PEDS1: variants seen among roughly 807,000 people sequenced by gnomAD.
PEDS1 encodes the protein plasmanylethanolamine desaturase 1.
A neutral mutation model predicts 35.2 loss-of-function variants in PEDS1; 14 were observed. That is an observed-to-expected ratio of 0.40 (90% CI 0.26 to 0.62). The LOEUF is 0.62. PEDS1 is among the 20% of genes least tolerant of loss of function. The pLI is 0.44. For missense variants in PEDS1, 260 were observed against 367.8 expected (o/e 0.71, Z 2.40); for synonymous variants, 152 against 152.0 (o/e 1.00, Z 0.00).
chr20:50,125,369 C>A (rs1212514159), intron 5 of PEDS1, among the ~76,000 whole-genome samples, 190 bp from the exon 6 acceptor site: 1 of 152,190 alleles, frequency 6.6e-6, no homozygotes, highest in Non-Finnish European at 1.5e-5. Flanking sequence ...CTCAGGCCTC[C>A]AACCCCCATA....
At chr20:50,152,929 G>A (rs2081419850) in intron 1 of PEDS1, among the ~76,000 whole-genome samples, 1 of 152,086 alleles carries the variant, frequency 6.6e-6, no homozygotes, top group Admixed American at 6.5e-5. Flanking sequence ...GGAAGGGTGT[G>A]GGGGGTACCG....
At chr20:50,132,204 A>G (rs2081187479) in intron 2 of PEDS1, among the ~76,000 whole-genome samples, 1 of 152,204 alleles carries the variant, frequency 6.6e-6, no homozygotes, top group African/African-American at 2.4e-5. Flanking sequence ...CTCTGTCTTG[A>G]AAAAATAAAT....
In PEDS1 at chr20:50,129,451, A is replaced by G. The variant is rs41304415; in HGVS notation, c.478+95T>C. 3.2e-3 allele frequency: 4,784 copies of G among 1,508,928 alleles called. 13 individuals are homozygous for G. Among genetic ancestry groups the G allele is most frequent in the Non-Finnish European group, 3.8e-3 (4,273 of 1,126,302 alleles). 93.5% of individuals were successfully genotyped at this position (1,508,928 alleles called of 1,614,324 possible). A position where few individuals can be genotyped will look rare whatever the true frequency, so the allele number is the denominator to read the frequency against. ...TGAATGAAAACTCTTTTAAAATACCATAAGGAGCCAAACACATAAGCCCCA... is the reference window on the plus strand; with the variant it reads ...TGAATGAAAACTCTTTTAAAATACCGTAAGGAGCCAAACACATAAGCCCCA... On this transcript the variant is annotated intron_variant, in intron 4 of 5. Coordinates refer to ENST00000371652, the MANE Select transcript of PEDS1 (RefSeq NM_199129.4). The surrounding 1 kb of genome is among the most constrained non-coding windows in gnomAD (Gnocchi z 4.2).
At chr20:50,138,880 C>A (rs551978105) in intron 2 of PEDS1, among the ~76,000 whole-genome samples, 1 of 152,316 alleles carries the variant, frequency 6.6e-6, no homozygotes, top group East Asian at 1.9e-4. Context: ...CCCAGGCTAC[C>A]CTGACTCACG....
chr20:50,119,626 C>T lies in PEDS1; in HGVS notation c.*5432G>A, dbSNP rs1029406715. 19 of 152,116 alleles carry T rather than the reference C, an allele frequency of 1.2e-4. No homozygotes were observed. Among genetic ancestry groups the T allele is most frequent in the African/African-American group, 4.6e-4 (19 of 41,416 alleles). The allele number at this position is 152,116 out of a possible 1,614,324, so 9.4% of individuals were successfully genotyped here. On this transcript the variant is annotated 3_prime_UTR_variant, in exon 6 of 6. Coordinates refer to ENST00000371652, the MANE Select transcript of PEDS1 (RefSeq NM_199129.4). ...ATTGTGTGAAAAGGAGTGGGGCAGACATACCCCTCTGCCTACATAAGGCAT... is the reference window on the plus strand; with the variant it reads ...ATTGTGTGAAAAGGAGTGGGGCAGATATACCCCTCTGCCTACATAAGGCAT...
chr20:50,140,657 G>C (rs909621015), intron 2 of PEDS1, among the ~76,000 whole-genome samples: 1 of 152,100 alleles, frequency 6.6e-6, no homozygotes, highest in Non-Finnish European at 1.5e-5. Flanking sequence ...GGCCTTTCCC[G>C]CCTACCCGCT....
At position 50,138,257 on chromosome 20, in the gene PEDS1, A is replaced by G. The variant is rs2081256385; in HGVS notation, c.241+5245T>C. Among the ~76,000 whole-genome samples the G allele has an allele frequency of 2.6e-5, 4 of 152,186 alleles. No individual in the cohort carries two copies. The South Asian group carries it at 6.2e-4, about 24-fold the overall frequency. The stretch of plus-strand genomic sequence containing the variant: ...GCCCCACCCCATCCTGACCTTCCAG[A>G]GGAGGGTAAGAACTCCCCAAGGTCA... On this transcript the variant is annotated intron_variant, in intron 2 of 5. Coordinates refer to ENST00000371652, the MANE Select transcript of PEDS1 (RefSeq NM_199129.4).
Position 50,122,536 on chromosome 20 carries a change from C to G in PEDS1, c.*2522G>C, listed in dbSNP as rs1055883623. ...TGGCCAACATGCTGAAACCCCATCTCTACTAAAAATACGAAAATTAGCCGG... is the reference window on the plus strand; with the variant it reads ...TGGCCAACATGCTGAAACCCCATCTGTACTAAAAATACGAAAATTAGCCGG... On this transcript the variant is annotated 3_prime_UTR_variant, in exon 6 of 6. Transcript: ENST00000371652. 8 of 152,170 alleles carry G rather than the reference C, an allele frequency of 5.3e-5. No homozygotes were observed. Among genetic ancestry groups the G allele is most frequent in the Non-Finnish European group, 7.3e-5 (5 of 68,058 alleles). 9.4% of individuals were successfully genotyped at this position (152,170 alleles called of 1,614,324 possible). A position where few individuals can be genotyped will look rare whatever the true frequency, so the allele number is the denominator to read the frequency against.
Position 50,124,991 on chromosome 20 carries a change from A to C in PEDS1, c.*67T>G. On this transcript the variant is annotated 3_prime_UTR_variant, in exon 6 of 6. Transcript: ENST00000371652. Reference sequence around the variant, plus strand: ...GGAGGGGCCAGCTCAAAGAGGCTGGAATTTGGCAGATGGCTTCGGTTTGGG... The same window carrying C: ...GGAGGGGCCAGCTCAAAGAGGCTGGCATTTGGCAGATGGCTTCGGTTTGGG... 6.3e-7 allele frequency: 1 copy of C among 1,597,102 alleles called. No individual in the cohort carries two copies. Among genetic ancestry groups the C allele is most frequent in the South Asian group, 1.1e-5 (1 of 89,324 alleles).
chr20:50,145,999 C>T (rs181960590), intron 1 of PEDS1, among the ~76,000 whole-genome samples: 8 of 152,272 alleles, frequency 5.3e-5, no homozygotes, highest in African/African-American at 1.7e-4. Context: ...GCTCTCGCCC[C>T]GCTCTATCCT....
rs527913597 is a variant in PEDS1, at chr20:50,128,203, A to AG, written c.479-17dup. The AG allele has an allele frequency of 9.1e-5, 147 of 1,612,504 alleles. No homozygotes were observed. The African/African-American group carries it at 1.8e-3, about 20-fold the overall frequency. ...TCCAGGGCTTCTGCAGGTTGGGGAG[A>AG]GGGGGGGCCGGCACAGCTGTCACTC... is the stretch of plus-strand genomic sequence containing the variant. On this transcript the variant is annotated splice_polypyrimidine_tract_variant and intron_variant, in intron 4 of 5. Transcript: ENST00000371652. This position sits in a 1 kb window ranked among gnomAD's most constrained non-coding sequence, Gnocchi z 5.2.
In PEDS1 at chr20:50,124,771, C is replaced by T. The variant is rs1052535262; in HGVS notation, c.*287G>A. 1.2e-5 allele frequency: 4 copies of T among 337,154 alleles called. No individual in the cohort carries two copies. The highest frequency in any genetic ancestry group is 6.3e-5 in the African/African-American group (3 of 47,610). 20.9% of individuals were successfully genotyped at this position (337,154 alleles called of 1,614,324 possible). Reference sequence around the variant, plus strand: ...CAGCGGGGCAGGGACGGCAGGCGTGCAGGGAGTGGGTAAACCTCCTCTCTA... The same window carrying T: ...CAGCGGGGCAGGGACGGCAGGCGTGTAGGGAGTGGGTAAACCTCCTCTCTA... On this transcript the variant is annotated 3_prime_UTR_variant, in exon 6 of 6. Transcript: ENST00000371652.
rs552221304 is a variant in PEDS1, at chr20:50,127,283, G to T, written c.691+692C>A. Among the ~76,000 whole-genome samples the T allele has an allele frequency of 1.9e-4, 28 of 149,906 alleles. No individual in the cohort carries two copies. In the South Asian group the frequency reaches 5.7e-3, roughly 30 times the overall value. On this transcript the variant is annotated intron_variant, in intron 5 of 5. Coordinates refer to ENST00000371652, the MANE Select transcript of PEDS1 (RefSeq NM_199129.4). ...GCCACGCTACACATTTTATTCATTC[G>T]TTCCAGCTCCCTCACTAGATGGTGA...
rs575971409 is a variant in PEDS1 at position 50,151,617 on chromosome 20, T to A, written c.121+1900A>T. ...GCTCACGCCTGTAATCCCAGCACTG[T>A]GGGAGGCCGAGGTGGGCGGATCACA... On this transcript the variant is annotated intron_variant, in intron 1 of 5. Transcript: ENST00000371652. Among the ~76,000 whole-genome samples the A allele has an allele frequency of 6.6e-5, 10 of 152,258 alleles. No homozygotes were observed. In the East Asian group the frequency reaches 1.7e-3, roughly 26 times the overall value.
intron 2 of PEDS1, among the ~76,000 whole-genome samples, chr20:50,138,429 GA>G (rs2081258031): frequency 6.6e-6 from 1 of 152,224 alleles, no homozygotes; most frequent in African/African-American, 2.4e-5. Flanking sequence ...TTAACTATGA[GA>G]AGTTAATAAA....
intron 1 of PEDS1, among the ~76,000 whole-genome samples, chr20:50,151,554 A>G (rs1433849592): frequency 6.6e-6 from 1 of 152,206 alleles, no homozygotes; most frequent in East Asian, 1.9e-4. Flanking sequence ...AGCAAAGGTC[A>G]GACTACTGTT....
chr20:50,151,336 A>T, intron 1 of PEDS1: 2 of 1,281,750 alleles, frequency 1.6e-6, no homozygotes, highest in Non-Finnish European at 2.1e-6. Context: ...CCAGAAATGG[A>T]CAAATATGCA....
chr20:50,146,640 C>G (rs1262623414), intron 1 of PEDS1, among the ~76,000 whole-genome samples: 3 of 152,134 alleles, frequency 2.0e-5, no homozygotes, highest in African/African-American at 7.2e-5. Flanking sequence ...GACCCAGAAC[C>G]AGGACAGCTG....
rs1014774790 is a variant in PEDS1 at position 50,121,848 on chromosome 20, C to T, written c.*3210G>A. On this transcript the variant is annotated 3_prime_UTR_variant, in exon 6 of 6. Coordinates refer to ENST00000371652, the MANE Select transcript of PEDS1 (RefSeq NM_199129.4). Reference sequence around the variant, plus strand: ...GATTGGTGGGGCCTGGAAACCAACACCACAGTGGTGAGGCTACTCCTATGG... The same window carrying T: ...GATTGGTGGGGCCTGGAAACCAACATCACAGTGGTGAGGCTACTCCTATGG... 2.0e-5 allele frequency: 3 copies of T among 152,216 alleles called. No individual in the cohort carries two copies. Among genetic ancestry groups the T allele is most frequent in the African/African-American group, 7.2e-5 (3 of 41,440 alleles). The allele number at this position is 152,216 out of a possible 1,614,324, so 9.4% of individuals were successfully genotyped here.
Sources: gnomAD v4.1 joint callset for allele counts (sites outside exome capture counted in the v4.1 genomes callset) on GRCh38, gnomAD v4.1.1 for gene constraint, Gnocchi (gnomAD v3.1) non-coding constraint, MANE v1.5 for transcripts, NCBI Gene and HGNC (gene_info 2026-07-23, HGNC 2026-07-21) for gene names.